MCFD2: variants seen among roughly 807,000 people sequenced by gnomAD.
The protein encoded by MCFD2 is multiple coagulation factor deficiency protein 2.
In MCFD2, 11 loss-of-function variants were observed where a neutral mutation model predicts 12.8. The ratio of observed to expected loss-of-function variants is 0.86; its 90% CI spans 0.54 to 1.42. MCFD2 has a LOEUF of 1.42. Among genes scored for constraint, MCFD2 ranks in the 40% most tolerant of loss-of-function variants. The pLI is 0.00. For synonymous variants in MCFD2, 70 were observed against 68.1 expected (o/e 1.03, Z -0.14); for missense variants, 191 against 178.6 (o/e 1.07, Z -0.40).
At chr2:46,909,680 G>A (rs1668402069) in intron 1 of MCFD2, among the ~76,000 whole-genome samples, 1 of 152,166 alleles carries the variant, frequency 6.6e-6, no homozygotes, top group Non-Finnish European at 1.5e-5. Flanking sequence ...CCACAGGAAT[G>A]GTGGGAGCAG....
upstream of MCFD2, chr2:46,915,806 G>GCCCCCCCCC (rs1353981164): frequency 2.0e-6 from 1 of 512,324 alleles, no homozygotes; most frequent in South Asian, 1.2e-4. Flanking sequence ...CCTCGGCTTC[G>GCCCCCCCCC]CCCCGCCCCC....
chr2:46,907,032 C>T lies in MCFD2; in HGVS notation c.309+778G>A, dbSNP rs1437738315. 1 of 152,532 alleles carries T rather than the reference C, an allele frequency of 6.6e-6. No homozygotes were observed. Among genetic ancestry groups the T allele is most frequent in the East Asian group, 1.9e-4 (1 of 5,184 alleles). 9.4% of individuals were successfully genotyped at this position (152,532 alleles called of 1,614,324 possible). On this transcript the variant is annotated intron_variant, in intron 3 of 3. Transcript: ENST00000319466. This position sits in a 1 kb window ranked among gnomAD's most constrained non-coding sequence, Gnocchi z 4.1. ...TTAACAATGCCTGCCACTGCCTACT[C>T]AAGATGTTGCAAAGATCCAACGAGA...
intron 1 of MCFD2, among the ~76,000 whole-genome samples, chr2:46,935,548 C>T (rs1216416776): frequency 3.9e-5 from 6 of 152,152 alleles, no homozygotes; most frequent in Admixed American, 2.0e-4. Flanking sequence ...CTAAGCTTTG[C>T]GTTATCACAA....
chr2:46,907,758 A>G lies in MCFD2; in HGVS notation c.309+52T>C. 1 of 1,594,980 alleles carries G rather than the reference A, an allele frequency of 6.3e-7. No individual in the cohort carries two copies. The highest frequency in any genetic ancestry group is 1.1e-5 in the South Asian group (1 of 90,508). On this transcript the variant is annotated intron_variant, in intron 3 of 3. Coordinates refer to ENST00000319466, the MANE Select transcript of MCFD2 (RefSeq NM_139279.6). This position sits in a 1 kb window ranked among gnomAD's most constrained non-coding sequence, Gnocchi z 4.1. Reference sequence around the variant, plus strand: ...GTCAACAAGACTGGGGACCAAATTAACAAAGGGAAGCCTTTCTGTGATACA... The same window carrying G: ...GTCAACAAGACTGGGGACCAAATTAGCAAAGGGAAGCCTTTCTGTGATACA...
intron 1 of MCFD2, among the ~76,000 whole-genome samples, chr2:46,928,978 C>G (rs1181373351): frequency 6.6e-6 from 1 of 152,074 alleles, no homozygotes. Context: ...GCCTGGCCAA[C>G]ATGGCAAAAC....
Position 46,939,658 on chromosome 2 carries a change from T to C in MCFD2, c.-8+1914A>G, listed in dbSNP as rs576766471. On this transcript the variant is annotated intron_variant, in intron 1 of 2. Transcript: ENST00000409147. ...TTCTGCCAAGGTCGCCTCCCTCTTA[T>C]CAACCCTGCTGTTCACTCCCTGCCC... Among the ~76,000 whole-genome samples, 3 of 152,266 alleles carry C rather than the reference T, an allele frequency of 2.0e-5. No homozygotes were observed. In the East Asian group the frequency reaches 5.8e-4, roughly 29 times the overall value.
chr2:46,941,812 C>G lies in MCFD2; in HGVS notation c.-248G>C. On this transcript the variant is annotated 5_prime_UTR_variant, in exon 1 of 3. Transcript: ENST00000409147. The surrounding 1 kb of genome is among the most constrained non-coding windows in gnomAD (Gnocchi z 4.2). ...GGAAGCGCGCCCAGACAGTCCTCGG[C>G]CGACAGCGGGCGCCTGCCAGCCCAC... The G allele has an allele frequency of 6.6e-7, 1 of 1,504,984 alleles. No homozygotes were observed. Among genetic ancestry groups the G allele is most frequent in the South Asian group, 1.2e-5 (1 of 80,830 alleles). 93.2% of individuals were successfully genotyped at this position (1,504,984 alleles called of 1,614,324 possible).
intron 1 of MCFD2, among the ~76,000 whole-genome samples, chr2:46,921,960 TG>T (rs1669127646): frequency 6.6e-6 from 1 of 152,140 alleles, no homozygotes; most frequent in African/African-American, 2.4e-5. Context: ...CCACACTAGT[TG>T]GGGGGTGAGG....
intron 1 of MCFD2, among the ~76,000 whole-genome samples, chr2:46,922,694 A>T (rs1669168391): frequency 6.6e-6 from 1 of 152,168 alleles, no homozygotes; most frequent in Admixed American, 6.5e-5. Flanking sequence ...CTCTCACTCA[A>T]CAACAAAAAA....
chr2:46,926,625 G>T (rs1669397029), intron 1 of MCFD2, among the ~76,000 whole-genome samples: 2 of 152,166 alleles, frequency 1.3e-5, no homozygotes, highest in African/African-American at 4.8e-5. Context: ...AGCCCCCCCA[G>T]GTGCCTAGAA....
rs1668098318 is a variant in MCFD2, at chr2:46,903,589, C to G, written c.*1874G>C. The G allele has an allele frequency of 6.6e-6, 1 of 152,216 alleles. No homozygotes were observed. Among genetic ancestry groups the G allele is most frequent in the South Asian group, 2.1e-4 (1 of 4,832 alleles). 9.4% of individuals were successfully genotyped at this position (152,216 alleles called of 1,614,324 possible). A position where few individuals can be genotyped will look rare whatever the true frequency, so the allele number is the denominator to read the frequency against. ...GGTGGCCTCAGATGAAGATGAGGAA[C>G]TTGTTGGGAACTGGAGTAAAGGTGA... On this transcript the variant is annotated 3_prime_UTR_variant, in exon 4 of 4. Coordinates refer to ENST00000319466, the MANE Select transcript of MCFD2 (RefSeq NM_139279.6).
upstream of MCFD2, chr2:46,915,806 G>GGGGGGGGGGGGGGGGGGGC: frequency 2.0e-6 from 1 of 512,578 alleles, no homozygotes. Context: ...CCTCGGCTTC[G>GGGGGGGGGGGGGGGGGGGC]CCCCGCCCCC....
rs147568948 is a variant in MCFD2 at position 46,925,684 on chromosome 2, T to TC, written c.-8+15887dup. 6.2e-4 allele frequency among the ~76,000 whole-genome samples: 94 copies of TC among 151,992 alleles called. No homozygotes were observed. The East Asian group carries it at 0.017, about 27-fold the overall frequency. ...CTAAGCTGACTTCTCCCCTGCCACC[T>TC]CCCCCAAAAAAACCCATGTTTATTT... On this transcript the variant is annotated intron_variant, in intron 1 of 2. Transcript: ENST00000409147.
chr2:46,935,510 T>C (rs1054706666), intron 1 of MCFD2, among the ~76,000 whole-genome samples: 4 of 152,248 alleles, frequency 2.6e-5, no homozygotes, highest in Admixed American at 2.6e-4. Context: ...GTCAGGGTAG[T>C]GTTCTCCCTT....
At chr2:46,935,687 C>G (rs12990116) in intron 1 of MCFD2, among the ~76,000 whole-genome samples, 2 of 152,178 alleles carry the variant, frequency 1.3e-5, no homozygotes, top group African/African-American at 4.8e-5. Flanking sequence ...ACCCCTGACT[C>G]GGAAACAGGG....
chr2:46,913,281 C>G (rs750403396), intron 1 of MCFD2, among the ~76,000 whole-genome samples: 1 of 152,146 alleles, frequency 6.6e-6, no homozygotes, highest in South Asian at 2.1e-4. Context: ...GGCATGGTGG[C>G]TTATGCCTGT....
rs531229079 is a variant in MCFD2 at position 46,912,939 on chromosome 2, T to C, written c.-7+2784A>G. On this transcript the variant is annotated intron_variant, in intron 1 of 3. Transcript: ENST00000319466. ...AGATGAAACTTTTCTTTTGGAGATA[T>C]CTATCATGGAACTCATGGCACCATT... Among the ~76,000 whole-genome samples, 30 of 152,334 alleles carry C rather than the reference T, an allele frequency of 2.0e-4. No individual in the cohort carries two copies. The South Asian group carries it at 5.0e-3, about 25-fold the overall frequency.
chr2:46,922,193 C>T (rs1669140405), intron 1 of MCFD2, among the ~76,000 whole-genome samples: 1 of 152,040 alleles, frequency 6.6e-6, no homozygotes, highest in Non-Finnish European at 1.5e-5. Context: ...GAGATTTTAA[C>T]CGTGGAGTAT....
At position 46,904,242 on chromosome 2, in the gene MCFD2, T is replaced by G. The variant is rs1472283424; in HGVS notation, c.*1221A>C. ...CCTCTCAGCGGCAGGGGAGAGAACC[T>G]CTGCTAGGGCAGTGCAGAAGGGAAA... On this transcript the variant is annotated 3_prime_UTR_variant, in exon 4 of 4. Transcript: ENST00000319466. 1 of 152,156 alleles carries G rather than the reference T, an allele frequency of 6.6e-6. No individual in the cohort carries two copies. Among genetic ancestry groups the G allele is most frequent in the Admixed American group, 6.5e-5 (1 of 15,282 alleles). 9.4% of individuals were successfully genotyped at this position (152,156 alleles called of 1,614,324 possible). A position where few individuals can be genotyped will look rare whatever the true frequency, so the allele number is the denominator to read the frequency against.
Sources: allele counts gnomAD v4.1 joint callset (sites outside exome capture counted in the v4.1 genomes callset), GRCh38; gene constraint gnomAD v4.1.1; non-coding constraint Gnocchi (gnomAD v3.1); transcripts MANE v1.5; gene names NCBI Gene and HGNC (gene_info 2026-07-23, HGNC 2026-07-21).